The following SNRPD2 variants were observed in gnomAD, a reference collection of about 807,000 sequenced individuals.
SNRPD2 encodes the protein small nuclear ribonucleoprotein Sm D2.
In SNRPD2, 1 loss-of-function variant was observed where a neutral mutation model predicts 11.5. The observed-to-expected ratio is 0.09, with a 90% CI of 0.03 to 0.41. SNRPD2 has a LOEUF of 0.41. Among genes scored for constraint, SNRPD2 ranks in the 10% least tolerant of loss-of-function variants. SNRPD2 has a pLI of 0.98. For missense variants in SNRPD2, 77 were observed against 154.9 expected (o/e 0.50, Z 2.67); for synonymous variants, 63 against 61.5 (o/e 1.02, Z -0.12).
chr19:45,689,340 G>C (rs924859122), intron 1 of SNRPD2: 15 of 514,234 alleles, frequency 2.9e-5, no homozygotes, highest in African/African-American at 2.9e-4. Flanking sequence ...AGGGGGTTGT[G>C]CTAAAACCTA....
At chr19:45,689,223 C>T (rs543437037) in intron 1 of SNRPD2, 32 of 520,142 alleles carry the variant, frequency 6.2e-5, no homozygotes, top group Admixed American at 4.5e-4. Context: ...AGGAAATGGC[C>T]GTTTCTTACC....
chr19:45,688,177 T>C lies in SNRPD2; in HGVS notation c.182+210A>G, dbSNP rs1967457208. Among the ~76,000 whole-genome samples the C allele has an allele frequency of 6.6e-6, 1 of 152,136 alleles. No homozygotes were observed. Among genetic ancestry groups the C allele is most frequent in the South Asian group, 2.1e-4 (1 of 4,820 alleles). ...TTTATATTTTTAGTAGAGATGGGGT[T>C]TCGCCATTTTAGCTAAGCTGGTCTT... On this transcript the variant is annotated intron_variant, in intron 2 of 2. Coordinates refer to ENST00000342669, the MANE Select transcript of SNRPD2 (RefSeq NM_001384647.1). This position sits in a 1 kb window ranked among gnomAD's most constrained non-coding sequence, Gnocchi z 4.1.
In SNRPD2 at chr19:45,691,800, C is replaced by CA. The variant is rs1441289635; in HGVS notation, c.2+86_2+87insT. 13 of 1,531,868 alleles carry CA rather than the reference C, an allele frequency of 8.5e-6. No homozygotes were observed. In the Admixed American group the frequency reaches 1.7e-4, roughly 20 times the overall value. The allele number at this position is 1,531,868 out of a possible 1,614,324, so 94.9% of individuals were successfully genotyped here. A position where few individuals can be genotyped will look rare whatever the true frequency, so the allele number is the denominator to read the frequency against. The stretch of plus-strand genomic sequence containing the variant: ...CCTAAAACATCTGCCCCTGCCCCCC[C>CA]CGCTCTGCTCAACCCTTCCCACACT... On this transcript the variant is annotated intron_variant, in intron 1 of 2. Coordinates refer to ENST00000342669, the MANE Select transcript of SNRPD2 (RefSeq NM_001384647.1).
chr19:45,687,824 T>G lies in SNRPD2; in HGVS notation c.183-97A>C. ...TGCTCGCCCCCTCCAGCAGCATGGCTTGGGGAAGGGTGCAGGTGCTAGGCC... is the reference window on the plus strand; with the variant it reads ...TGCTCGCCCCCTCCAGCAGCATGGCGTGGGGAAGGGTGCAGGTGCTAGGCC... On this transcript the variant is annotated intron_variant, in intron 2 of 2. Transcript: ENST00000342669. The surrounding 1 kb of genome is among the most constrained non-coding windows in gnomAD (Gnocchi z 4.1). 1 of 1,026,104 alleles carries G rather than the reference T, an allele frequency of 9.7e-7. No homozygotes were observed. Among genetic ancestry groups the G allele is most frequent in the Non-Finnish European group, 1.5e-6 (1 of 676,852 alleles). The allele number at this position is 1,026,104 out of a possible 1,614,324, so 63.6% of individuals were successfully genotyped here.
intron 1 of SNRPD2, chr19:45,690,531 G>C (rs1399068186): frequency 2.0e-5 from 3 of 151,404 alleles, no homozygotes; most frequent in Admixed American, 6.6e-5. Context: ...CCCCATCTCA[G>C]TGTAGAAAGT....
chr19:45,691,532 T>C, intron 1 of SNRPD2: 1 of 243,608 alleles, frequency 4.1e-6, no homozygotes, highest in South Asian at 6.4e-5. Flanking sequence ...TTTTTCATAA[T>C]TAAATTTTTT....
chr19:45,691,793 G>GC (rs61466254), intron 1 of SNRPD2, 94 bp downstream of exon 1: 266,836 of 1,418,540 alleles, frequency 0.19, 23,703 homozygotes, highest in Middle Eastern at 0.27. Flanking sequence ...ATCTGCCCCT[G>GC]CCCCCCCCGC....
upstream of SNRPD2, chr19:45,692,281 G>A (rs1215779629): frequency 2.7e-6 from 1 of 368,874 alleles, no homozygotes; most frequent in South Asian, 3.1e-5. Flanking sequence ...TCCTCGCTTC[G>A]GAGACAGGCA....
chr19:45,689,742 A>T (rs997690225), intron 1 of SNRPD2, among the ~76,000 whole-genome samples: 1 of 151,810 alleles, frequency 6.6e-6, no homozygotes, highest in African/African-American at 2.4e-5. Flanking sequence ...ATTAGAAAAT[A>T]CAAAAATTAG....
chr19:45,690,602 C>G (rs544386711), intron 1 of SNRPD2: 1 of 152,072 alleles, frequency 6.6e-6, no homozygotes, highest in South Asian at 2.1e-4. Flanking sequence ...AAGGTCGAGG[C>G]GGGTGGATCA....
intron 1 of SNRPD2, chr19:45,690,453 C>T (rs984603214): frequency 6.6e-6 from 1 of 150,784 alleles, no homozygotes; most frequent in African/African-American, 2.4e-5. Context: ...CTACTACACT[C>T]CAATCTGGGT....
In SNRPD2 at chr19:45,688,407, G is replaced by A. The variant is rs1568533887; in HGVS notation, c.162C>T (p.Gly54=). Residue 54 remains glycine, a synonymous_variant, in exon 2 of 3, where the codon GGC becomes GGT. Coordinates refer to ENST00000342669, the MANE Select transcript of SNRPD2 (RefSeq NM_001384647.1). This position sits in a 1 kb window ranked among gnomAD's most constrained non-coding sequence, Gnocchi z 4.1. ...INCRNNKKLL[G]RVKAFDRHCN... ...CTCACCTATCGAAGGCCTTCACGCG[G>A]CCCAGGAGTTTCTTATTGTTGCGGC... The A allele has an allele frequency of 1.2e-6, 2 of 1,614,072 alleles. No homozygotes were observed. The highest frequency in any genetic ancestry group is 1.7e-6 in the Non-Finnish European group (2 of 1,180,034).
intron 1 of SNRPD2, 88 bp downstream of exon 1, chr19:45,691,799 C>CG (rs552405170): frequency 1.3e-6 from 2 of 1,526,466 alleles, no homozygotes; most frequent in South Asian, 2.2e-5. Flanking sequence ...CCCTGCCCCC[C>CG]CCGCTCTGCT....
Position 45,688,624 on chromosome 19 carries a change from C to A in SNRPD2, c.3-58G>T. The A allele has an allele frequency of 7.2e-7, 1 of 1,396,794 alleles. No homozygotes were observed. Among genetic ancestry groups the A allele is most frequent in the Non-Finnish European group, 1.0e-6 (1 of 986,810 alleles). The allele number at this position is 1,396,794 out of a possible 1,614,324, so 86.5% of individuals were successfully genotyped here. The stretch of plus-strand genomic sequence containing the variant: ...AGAGGCTGGAGTTGAGAGGCTGGAG[C>A]TGTGAGGATGGGTGATCAGGGCCTT... On this transcript the variant is annotated intron_variant, in intron 1 of 2. Coordinates refer to ENST00000342669, the MANE Select transcript of SNRPD2 (RefSeq NM_001384647.1). This position sits in a 1 kb window ranked among gnomAD's most constrained non-coding sequence, Gnocchi z 4.1.
At chr19:45,691,466 A>T in intron 1 of SNRPD2, 2 of 162,630 alleles carry the variant, frequency 1.2e-5, no homozygotes, top group Admixed American at 6.0e-5. Context: ...GCCCCTTAAC[A>T]TTCATTTCAA....
Position 45,688,604 on chromosome 19 carries a change from C to A in SNRPD2, c.3-38G>T. ...ACATGGAACCAATAAGTGAGAGAGGCTGGAGTTGAGAGGCTGGAGCTGTGA... is the reference window on the plus strand; with the variant it reads ...ACATGGAACCAATAAGTGAGAGAGGATGGAGTTGAGAGGCTGGAGCTGTGA... On this transcript the variant is annotated intron_variant, in intron 1 of 2. Transcript: ENST00000342669. This position sits in a 1 kb window ranked among gnomAD's most constrained non-coding sequence, Gnocchi z 4.1. 1.3e-6 allele frequency: 2 copies of A among 1,568,808 alleles called. No homozygotes were observed. Among genetic ancestry groups the A allele is most frequent in the Non-Finnish European group, 1.8e-6 (2 of 1,139,490 alleles).
In SNRPD2 at chr19:45,687,768, C is replaced by T. The variant is rs779485986; in HGVS notation, c.183-41G>A. 22 of 1,535,418 alleles carry T rather than the reference C, an allele frequency of 1.4e-5. No homozygotes were observed. Among genetic ancestry groups the T allele is most frequent in the Middle Eastern group, 2.2e-4 (1 of 4,462 alleles). The stretch of plus-strand genomic sequence containing the variant: ...GAGGGGAGGCACTGGGCGTGAGGGG[C>T]GTGCCTCTGACAGTGCCCCCTACTG... On this transcript the variant is annotated intron_variant, in intron 2 of 2. Coordinates refer to ENST00000342669, the MANE Select transcript of SNRPD2 (RefSeq NM_001384647.1). This position sits in a 1 kb window ranked among gnomAD's most constrained non-coding sequence, Gnocchi z 4.1.
At chr19:45,690,828 T>C (rs927071121) in intron 1 of SNRPD2, among the ~76,000 whole-genome samples, 3 of 128,490 alleles carry the variant, frequency 2.3e-5, no homozygotes, top group African/African-American at 9.6e-5. Context: ...CAAGGCTCCG[T>C]CTCAAAAAAA....
intron 1 of SNRPD2, 79 bp downstream of exon 1, chr19:45,691,808 C>G: frequency 6.6e-7 from 1 of 1,524,710 alleles, no homozygotes; most frequent in Non-Finnish European, 9.1e-7. Context: ...CCCCGCTCTG[C>G]TCAACCCTTC....
Sources: allele counts gnomAD v4.1 joint callset (sites outside exome capture counted in the v4.1 genomes callset), GRCh38; gene constraint gnomAD v4.1.1; non-coding constraint Gnocchi (gnomAD v3.1); transcripts MANE v1.5; gene names NCBI Gene and HGNC (gene_info 2026-07-23, HGNC 2026-07-21).